Variants in FHIT observed in about 807,000 individuals in gnomAD.
FHIT encodes the protein bis(5'-adenosyl)-triphosphatase.
A neutral mutation model predicts 17.9 loss-of-function variants in FHIT; 19 were observed. The observed-to-expected ratio is 1.06, with a 90% CI of 0.74 to 1.56. The LOEUF (loss-of-function observed/expected upper bound fraction) is 1.56, where lower values mean the gene tolerates loss of function less well. Among genes scored for constraint, FHIT ranks in the 40% most tolerant of loss-of-function variants. The pLI is 0.00. For synonymous variants in FHIT, 81 were observed against 69.7 expected (o/e 1.16, Z -0.81); for missense variants, 248 against 189.2 (o/e 1.31, Z -1.82).
chr3:60,533,816 T>C (rs187578625), intron 5 of FHIT, among the ~76,000 whole-genome samples: 67 of 152,190 alleles, frequency 4.4e-4, no homozygotes, highest in African/African-American at 1.6e-3. Flanking sequence ...GACTTTATCC[T>C]CAAAAAACAG....
chr3:59,798,235 C>A (rs777783013), intron 8 of FHIT, among the ~76,000 whole-genome samples: 1 of 152,198 alleles, frequency 6.6e-6, no homozygotes, highest in Non-Finnish European at 1.5e-5. Context: ...GTTGCACCTA[C>A]GCCGCCCAGC....
intron 7 of FHIT, among the ~76,000 whole-genome samples, chr3:59,968,271 T>C (rs1683642): frequency 6.6e-6 from 1 of 152,046 alleles, no homozygotes; most frequent in African/African-American, 2.4e-5. Context: ...GATGAAATCA[T>C]ACAGTTTCGA....
chr3:60,070,046 T>A (rs1009363561), intron 5 of FHIT, among the ~76,000 whole-genome samples: 7 of 152,184 alleles, frequency 4.6e-5, no homozygotes, highest in African/African-American at 1.7e-4. Context: ...TACATGCTTT[T>A]ATTGCTCCCT....
At chr3:60,111,676 T>C (rs1704677753) in intron 5 of FHIT, among the ~76,000 whole-genome samples, 1 of 152,208 alleles carries the variant, frequency 6.6e-6, no homozygotes, top group Admixed American at 6.5e-5. Flanking sequence ...AGACTATTGA[T>C]TTACAAAGAA....
intron 4 of FHIT, among the ~76,000 whole-genome samples, chr3:60,676,796 T>C (rs2040629986): frequency 6.6e-6 from 1 of 152,226 alleles, no homozygotes; most frequent in African/African-American, 2.4e-5. Flanking sequence ...GGTGCCATTA[T>C]GTTTCACCAC....
intron 5 of FHIT, among the ~76,000 whole-genome samples, chr3:60,521,333 C>T (rs887775538): frequency 3.3e-5 from 5 of 152,172 alleles, no homozygotes; most frequent in African/African-American, 4.8e-5. Context: ...CTGCAAGCTC[C>T]GCCTCCCAGA....
At chr3:60,084,324 T>C (rs1193199783) in intron 5 of FHIT, among the ~76,000 whole-genome samples, 4 of 152,166 alleles carry the variant, frequency 2.6e-5, no homozygotes, top group Non-Finnish European at 5.9e-5. Flanking sequence ...TTAACAGTGC[T>C]GAAACACTTT....
At chr3:61,237,977 G>C (rs1043192614) in intron 1 of FHIT, among the ~76,000 whole-genome samples, 1 of 152,132 alleles carries the variant, frequency 6.6e-6, no homozygotes, top group Non-Finnish European at 1.5e-5. Context: ...CAGAGCAACA[G>C]TCTTCAGACA....
intron 3 of FHIT, among the ~76,000 whole-genome samples, chr3:60,968,623 G>C (rs1324888024): frequency 6.6e-6 from 1 of 152,142 alleles, no homozygotes; most frequent in African/African-American, 2.4e-5. Context: ...ATAGTGGCCA[G>C]GCTGGTCTCG....
At chr3:60,178,144 C>T (rs1468008118) in intron 5 of FHIT, among the ~76,000 whole-genome samples, 7 of 152,204 alleles carry the variant, frequency 4.6e-5, no homozygotes, top group Non-Finnish European at 7.3e-5. Context: ...AGGAGGATAG[C>T]TGGCTATTTA....
At chr3:60,451,063 C>T (rs1056029438) in intron 5 of FHIT, among the ~76,000 whole-genome samples, 4 of 151,970 alleles carry the variant, frequency 2.6e-5, no homozygotes, top group East Asian at 1.9e-4. Context: ...AGAAGGCAAT[C>T]GCAACATTAA....
At chr3:60,123,967 A>ATATATATATATATATATATATAT (rs1705378774) in intron 5 of FHIT, among the ~76,000 whole-genome samples, 1 of 27,788 alleles carries the variant, frequency 3.6e-5, no homozygotes. Flanking sequence ...ATGCACTAAA[A>ATATATATATATATATATATATAT]ATATATATAT....
intron 3 of FHIT, chr3:60,856,568 T>G (rs1302391338): frequency 6.6e-6 from 1 of 152,108 alleles, no homozygotes; most frequent in South Asian, 2.1e-4. Context: ...CTCCTTTAAG[T>G]AATGAACCAC....
intron 5 of FHIT, among the ~76,000 whole-genome samples, chr3:60,273,075 A>G (rs185683581): frequency 7.3e-4 from 111 of 152,344 alleles, no homozygotes; most frequent in Non-Finnish European, 1.1e-3. Flanking sequence ...TTACAACATT[A>G]GGCTCAAAAT....
At position 60,544,480 on chromosome 3, in the gene FHIT, C is replaced by T. The variant is rs190357974; in HGVS notation, c.-17-7501G>A. 5.7e-3 allele frequency among the ~76,000 whole-genome samples: 864 copies of T among 152,002 alleles called. 2 individuals carry two copies. The highest frequency in any genetic ancestry group is 9.1e-3 in the Non-Finnish European group (618 of 67,978). On this transcript the variant is annotated intron_variant, in intron 4 of 9. Transcript: ENST00000492590. Reference sequence around the variant, plus strand: ...TAAAAATAATAATTCACTATTCTTTCCCTATTATGATTAATTCAACTCCGT... The same window carrying T: ...TAAAAATAATAATTCACTATTCTTTTCCTATTATGATTAATTCAACTCCGT...
intron 4 of FHIT, among the ~76,000 whole-genome samples, chr3:60,705,853 A>G (rs1216048288): frequency 3.9e-5 from 6 of 152,160 alleles, no homozygotes; most frequent in Admixed American, 3.9e-4. Flanking sequence ...TGACCCTCTT[A>G]ATACTGTGAC....
intron 4 of FHIT, among the ~76,000 whole-genome samples, chr3:60,581,600 T>A (rs1178282221): frequency 1.3e-5 from 2 of 152,104 alleles, no homozygotes; most frequent in African/African-American, 4.8e-5. Flanking sequence ...TATAATGAAC[T>A]AAACACAAAG....
At chr3:60,870,690 G>A (rs557796185) in intron 3 of FHIT, among the ~76,000 whole-genome samples, 2 of 152,228 alleles carry the variant, frequency 1.3e-5, no homozygotes, top group South Asian at 4.1e-4. Flanking sequence ...GGCTTCCCAT[G>A]GACCTCAGGC....
chr3:60,044,427 A>G (rs138323793), intron 5 of FHIT, among the ~76,000 whole-genome samples: 1 of 152,314 alleles, frequency 6.6e-6, no homozygotes, highest in East Asian at 1.9e-4. Flanking sequence ...TTTCAGCATG[A>G]GTGCCCAGGG....
Sources: gnomAD v4.1 joint callset for allele counts (sites outside exome capture counted in the v4.1 genomes callset) on GRCh38, gnomAD v4.1.1 for gene constraint, MANE v1.5 for transcripts, NCBI Gene and HGNC (gene_info 2026-07-23, HGNC 2026-07-21) for gene names.